The following NBAS variants were observed in gnomAD, a reference collection of about 807,000 sequenced individuals.
NBAS encodes the protein NAG/BC035112 fusion.
In NBAS, 219 loss-of-function variants were observed where a neutral mutation model predicts 302.5. The ratio of observed to expected loss-of-function variants is 0.72; its 90% CI spans 0.65 to 0.81. The LOEUF (loss-of-function observed/expected upper bound fraction) is 0.81, where lower values mean the gene tolerates loss of function less well. Ranked by LOEUF, NBAS falls within the 30% of genes least tolerant of loss-of-function variation. The pLI, the probability that NBAS is intolerant of heterozygous loss-of-function variation, is 0.00. For synonymous variants in NBAS, 1,118 were observed against 1,021.6 expected (o/e 1.09, Z -1.80); for missense variants, 2,932 against 2,841.6 (o/e 1.03, Z -0.72).
chr2:15,244,177 CAG>C (rs1667985751), intron 44 of NBAS, among the ~76,000 whole-genome samples: 1 of 152,140 alleles, frequency 6.6e-6, no homozygotes. Flanking sequence ...ATGACACTAA[CAG>C]ATATTAAATA....
Position 15,461,206 on chromosome 2 carries a change from T to C in NBAS, c.2334A>G (p.Glu778=), listed in dbSNP as rs929187250. Reference sequence around the variant, plus strand: ...CTGTTAACATAGTCACATACCAAGCTTCGGGCAGCAAAACAGAATATTCAT... The same window carrying C: ...CTGTTAACATAGTCACATACCAAGCCTCGGGCAGCAAAACAGAATATTCAT... ...SPHEYSVLLP[E]ACFNGDSLMI... Residue 778 remains glutamate (E), a synonymous_variant, in exon 21 of 52, where the codon GAA becomes GAG. Transcript: ENST00000281513. 1 of 1,613,716 alleles carries C rather than the reference T, an allele frequency of 6.2e-7. No homozygotes were observed. Among genetic ancestry groups the C allele is most frequent in the African/African-American group, 1.3e-5 (1 of 75,036 alleles).
chr2:15,299,792 C>G (rs1230027971), intron 40 of NBAS, among the ~76,000 whole-genome samples: 1 of 152,136 alleles, frequency 6.6e-6, no homozygotes, highest in Non-Finnish European at 1.5e-5. Context: ...TGTGCACAGC[C>G]TACTTACATC....
intron 21 of NBAS, among the ~76,000 whole-genome samples, chr2:15,454,030 G>A (rs1679139692): frequency 6.6e-6 from 1 of 152,112 alleles, no homozygotes; most frequent in Non-Finnish European, 1.5e-5. Context: ...GCCCGCCTCG[G>A]CCTCCCAAAG....
At chr2:15,519,720 C>T (rs191338029) in intron 9 of NBAS, among the ~76,000 whole-genome samples, 65 of 152,298 alleles carry the variant, frequency 4.3e-4, no homozygotes, top group African/African-American at 1.5e-3. Flanking sequence ...GCTGGGATTA[C>T]AGGCATGAGC....
At chr2:15,191,125 T>C (rs1665335725) in intron 48 of NBAS, among the ~76,000 whole-genome samples, 1 of 152,176 alleles carries the variant, frequency 6.6e-6, no homozygotes, top group African/African-American at 2.4e-5. Context: ...AGTCTGGTTC[T>C]CTCATTTTCT....
chr2:15,272,270 C>A (rs1165754814), intron 44 of NBAS, among the ~76,000 whole-genome samples: 1 of 152,150 alleles, frequency 6.6e-6, no homozygotes, highest in Non-Finnish European at 1.5e-5. Flanking sequence ...CCAAAAATTT[C>A]TTTCTAAATT....
chr2:15,034,056 A>ACGG, the NBAS span, among the ~76,000 whole-genome samples: 1 of 93,786 alleles, frequency 1.1e-5, no homozygotes, highest in African/African-American at 4.7e-5. Context: ...GAGGAGGAGG[A>ACGG]GGAGGAGGGG....
At chr2:14,949,537 T>C in the NBAS span, among the ~76,000 whole-genome samples, 1 of 152,090 alleles carries the variant, frequency 6.6e-6, no homozygotes, top group Non-Finnish European at 1.5e-5. Context: ...CTACAGTATA[T>C]TGAATAGATA....
the NBAS span, among the ~76,000 whole-genome samples, chr2:14,889,119 C>T: frequency 6.6e-6 from 1 of 152,170 alleles, no homozygotes; most frequent in East Asian, 1.9e-4. Context: ...GACACATTTG[C>T]CACTCTTTCA....
At chr2:15,076,150 G>A in the NBAS span, among the ~76,000 whole-genome samples, 1 of 152,278 alleles carries the variant, frequency 6.6e-6, no homozygotes, top group Admixed American at 6.5e-5. Flanking sequence ...CTTGTAGCCT[G>A]TTCCAGCTGC....
chr2:15,327,675 T>C, intron 38 of NBAS, 75 bp downstream of exon 38: 4 of 1,576,796 alleles, frequency 2.5e-6, no homozygotes, highest in Non-Finnish European at 3.5e-6. Context: ...AAACTCTTGT[T>C]CATTCACAAA....
chr2:15,110,576 A>T, the NBAS span, among the ~76,000 whole-genome samples: 2 of 152,178 alleles, frequency 1.3e-5, no homozygotes, highest in African/African-American at 4.8e-5. Context: ...AAGAGGCATT[A>T]TGTGAGAATC....
intron 48 of NBAS, among the ~76,000 whole-genome samples, chr2:15,193,728 C>A (rs145246792): frequency 9.2e-5 from 14 of 151,818 alleles, no homozygotes; most frequent in African/African-American, 3.1e-4. Context: ...ATAACAAGTG[C>A]GAATCCAAGA....
chr2:15,415,964 C>A (rs775601668), intron 24 of NBAS, among the ~76,000 whole-genome samples: 2 of 152,256 alleles, frequency 1.3e-5, no homozygotes, highest in South Asian at 2.1e-4. Context: ...TGGCTCATCT[C>A]TTTACATCAT....
intron 35 of NBAS, among the ~76,000 whole-genome samples, chr2:15,340,648 TGAATGCATC>T (rs1558549689): frequency 6.6e-6 from 1 of 152,106 alleles, no homozygotes; most frequent in African/African-American, 2.4e-5. Context: ...GGATAATGTA[TGAATGCATC>T]TAAGGAATGA....
chr2:14,892,930 C>A, the NBAS span, among the ~76,000 whole-genome samples: 1 of 152,056 alleles, frequency 6.6e-6, no homozygotes, highest in South Asian at 2.1e-4. Flanking sequence ...ACCACATTTG[C>A]TTAAGTGAAT....
intron 38 of NBAS, among the ~76,000 whole-genome samples, chr2:15,315,220 C>A (rs1671453735): frequency 6.6e-6 from 1 of 152,078 alleles, no homozygotes; most frequent in South Asian, 2.1e-4. Context: ...GTGAAGTTTA[C>A]TGATATCTAT....
chr2:15,310,633 G>T (rs1453583133), intron 38 of NBAS, among the ~76,000 whole-genome samples: 1 of 152,164 alleles, frequency 6.6e-6, no homozygotes, highest in Non-Finnish European at 1.5e-5. Flanking sequence ...CAAGATCAAA[G>T]AAGAGGTAGC....
intron 44 of NBAS, among the ~76,000 whole-genome samples, chr2:15,238,910 A>C (rs569728241): frequency 6.6e-6 from 1 of 152,318 alleles, no homozygotes; most frequent in South Asian, 2.1e-4. Context: ...TTAATATCCA[A>C]AGCAGGTAAA....
Sources: gnomAD v4.1 joint callset for allele counts (sites outside exome capture counted in the v4.1 genomes callset) on GRCh38, gnomAD v4.1.1 for gene constraint, MANE v1.5 for transcripts, NCBI Gene and HGNC (gene_info 2026-07-23, HGNC 2026-07-21) for gene names.